FBN3: variants seen among roughly 807,000 people sequenced by gnomAD.
FBN3 encodes fibrillin 3, also known as fibrillin-3.
Under a neutral mutation model 330.1 loss-of-function variants are expected in FBN3, and 234 were observed. That is an observed-to-expected ratio of 0.71 (90% CI 0.64 to 0.79). FBN3 has a LOEUF of 0.79. FBN3 is among the 30% of genes least tolerant of loss of function. FBN3 has a pLI of 0.00. For missense variants in FBN3, 3,606 were observed against 3,886.9 expected (o/e 0.93, Z 1.92); for synonymous variants, 1,458 against 1,517.3 (o/e 0.96, Z 0.91).
rs191932940 is a variant in FBN3 at position 8,135,766 on chromosome 19, G to A, written c.1591+195C>T. Among the ~76,000 whole-genome samples, 169 of 152,296 alleles carry A rather than the reference G, an allele frequency of 1.1e-3. 1 individual carries two copies. Among genetic ancestry groups the A allele is most frequent in the Non-Finnish European group, 1.1e-3 (75 of 68,024 alleles). ...TGATTCACGGAATAAATTCAGGAAG[G>A]AGGAAATGAAGGGGAGAGTCAGGGT... On this transcript the variant is annotated intron_variant, in intron 13 of 63. Coordinates refer to ENST00000600128, the MANE Select transcript of FBN3 (RefSeq NM_032447.5).
rs1217059074 is a variant in FBN3 at position 8,129,247 on chromosome 19, G to A, written c.2163C>T (p.Asp721=). 1.2e-6 allele frequency: 2 copies of A among 1,614,004 alleles called. No individual in the cohort carries two copies. Among genetic ancestry groups the A allele is most frequent in the Non-Finnish European group, 1.7e-6 (2 of 1,180,028 alleles). Residue 721 remains aspartate (D), a synonymous_variant, in exon 17 of 64, where the codon GAC becomes GAT. Transcript: ENST00000600128. The surrounding 1 kb of genome is among the most constrained non-coding windows in gnomAD (Gnocchi z 4.5). ...LGYEAGASGK[D]CTDVDECALN... ...GCCAGGTGGCATGCTCACCTGTGCA[G>A]TCCTTGCCTGAGGCACCTGCCTCAT...
chr19:8,145,897 G>A lies in FBN3; in HGVS notation c.391C>T (p.Arg131Trp), dbSNP rs1210678636. The A allele has an allele frequency of 9.0e-6, 14 of 1,551,056 alleles. No individual in the cohort carries two copies. The African/African-American group carries it at 1.5e-4, about 17-fold the overall frequency. The change falls in exon 5 of 64, where the codon CGG (arginine) becomes TGG (tryptophan). Residue 131 changes from arginine to tryptophan, a missense_variant. Coordinates refer to ENST00000600128, the MANE Select transcript of FBN3 (RefSeq NM_032447.5). ...TTCTGACACAGACAGGACGCCCCCC[G>A]GCAGGTGCCCCCATTCATACAGCTC... is the stretch of plus-strand genomic sequence containing the variant. ...SVSCMNGGTCRGASCLCQKGY... is the reference protein window; with the variant it reads ...SVSCMNGGTCWGASCLCQKGY...
chr19:8,105,933 A>G (rs1371884239), intron 38 of FBN3, among the ~76,000 whole-genome samples, 175 bp downstream of exon 38: 1 of 152,228 alleles, frequency 6.6e-6, no homozygotes, highest in Non-Finnish European at 1.5e-5. Flanking sequence ...CACAGCAGCC[A>G]TGAACATCTT....
Position 8,138,540 on chromosome 19 carries a change from G to C in FBN3, c.890C>G (p.Ser297Ter). 1 of 1,611,570 alleles carries C rather than the reference G, an allele frequency of 6.2e-7. No homozygotes were observed. The highest frequency in any genetic ancestry group is 8.5e-7 in the Non-Finnish European group (1 of 1,179,730). ...AGCACAGCGGCCCCCGAAAAGCACT[G>C]AGAAGCAGGCGCCGGCCCGGTAGTC... ...CEDYRAGACFSVLFGGRCAGD... is the reference protein window; with the variant it reads ...CEDYRAGACF Residue 297 changes from serine to a stop codon, truncating the protein, a stop_gained, in exon 9 of 64, where the codon TCA becomes TGA. Transcript: ENST00000600128. LOFTEE classifies it high-confidence loss of function.
At chr19:8,110,725 C>T (rs983775917) in intron 34 of FBN3, 120 bp downstream of exon 34, 84 of 1,365,812 alleles carry the variant, frequency 6.2e-5, no homozygotes, top group Non-Finnish European at 7.7e-5. Context: ...CCCCACCCCC[C>T]AGCAAGACTG....
chr19:8,142,808 C>T (rs1467903335), intron 6 of FBN3, among the ~76,000 whole-genome samples: 1 of 151,334 alleles, frequency 6.6e-6, no homozygotes, highest in Admixed American at 6.6e-5. Context: ...CCCCCACCCC[C>T]CAGCTGTCCT....
chr19:8,112,200 GC>G, intron 30 of FBN3, 101 bp from the exon 31 acceptor site: 1 of 1,309,382 alleles, frequency 7.6e-7, no homozygotes, highest in South Asian at 1.5e-5. Flanking sequence ...CTAGGGGAGA[GC>G]TGGCCCAGAA....
At chr19:8,077,633 T>G (rs1308582441) in intron 59 of FBN3, among the ~76,000 whole-genome samples, 1 of 150,358 alleles carries the variant, frequency 6.7e-6, no homozygotes, top group East Asian at 2.0e-4. Context: ...AGTGAGACTC[T>G]GTCTCAAAAA....
intron 45 of FBN3, 69 bp from the exon 46 acceptor site, chr19:8,095,572 C>A: frequency 6.5e-7 from 1 of 1,539,412 alleles, no homozygotes; most frequent in Non-Finnish European, 8.9e-7. Flanking sequence ...CCTTGTACTT[C>A]TGTCCACAAC....
chr19:8,108,106 T>A, intron 37 of FBN3, 64 bp downstream of exon 37: 1 of 1,441,194 alleles, frequency 6.9e-7, no homozygotes, highest in South Asian at 1.2e-5. Context: ...TTTGGTGAGG[T>A]GGGGATGAGA....
chr19:8,093,156 G>A (rs1479644041), intron 47 of FBN3, among the ~76,000 whole-genome samples: 1 of 152,106 alleles, frequency 6.6e-6, no homozygotes, highest in East Asian at 1.9e-4. Context: ...ACACCGGACA[G>A]GGTTAACTCA....
intron 56 of FBN3, among the ~76,000 whole-genome samples, chr19:8,083,841 C>T (rs369237237): frequency 3.5e-5 from 5 of 142,718 alleles, no homozygotes; most frequent in African/African-American, 7.9e-5. Context: ...CTCGCTCTGT[C>T]GCCCAGGCTG....
intron 10 of FBN3, 105 bp downstream of exon 10, chr19:8,138,036 C>T (rs1568452760): frequency 6.8e-6 from 9 of 1,315,030 alleles, no homozygotes; most frequent in Non-Finnish European, 5.1e-6. Flanking sequence ...AAAGCCCTAA[C>T]CCTCTCTCTG....
At position 8,123,714 on chromosome 19, in the gene FBN3, T is replaced by C. The variant is rs535956618; in HGVS notation, c.2956+70A>G. 1.5e-4 allele frequency: 241 copies of C among 1,595,462 alleles called. 11 individuals are homozygous for C. Among genetic ancestry groups the C allele is most frequent in the Middle Eastern group, 5.5e-4 (3 of 5,470 alleles). ...CCTTTTCCCCCAAACACACTTCCCA[T>C]CTCCAGGCTTTTGCCTATGCCGTGC... On this transcript the variant is annotated intron_variant, in intron 23 of 63. Coordinates refer to ENST00000600128, the MANE Select transcript of FBN3 (RefSeq NM_032447.5).
rs780744349 is a variant in FBN3, at chr19:8,089,928, G to T, written c.6216C>A (p.His2072Gln). The T allele has an allele frequency of 1.2e-6, 2 of 1,608,076 alleles. No homozygotes were observed. The highest frequency in any genetic ancestry group is 1.7e-4 in the Middle Eastern group (1 of 5,776). ...AGTCATCCGGGCCTGGGACTGCCCC[G>T]TGGCCAAAGGGGCAGAGCTCCTGAA... ...AAFQELCPFG[H>Q]GAVPGPDDSR... The change falls in exon 50 of 64, where the codon CAC becomes CAA. Residue 2072 changes from histidine to glutamine, a missense_variant. By Grantham distance (24) the His-to-Gln change is conservative. Transcript: ENST00000600128.
At chr19:8,119,127 C>A in intron 25 of FBN3, 105 bp from the exon 26 acceptor site, 1 of 1,354,998 alleles carries the variant, frequency 7.4e-7, no homozygotes, top group Non-Finnish European at 9.9e-7. Context: ...CAGCCCCCTT[C>A]ACCCCAGCGG....
rs768739224 is a variant in FBN3 at position 8,083,290 on chromosome 19, A to T, written c.7170T>A (p.Cys2390Ter). Residue 2390 changes from cysteine to a stop codon, truncating the protein, a stop_gained, in exon 57 of 64, where the codon TGT becomes TGA. Coordinates refer to ENST00000600128, the MANE Select transcript of FBN3 (RefSeq NM_032447.5). LOFTEE classifies it high-confidence loss of function. ...TAGCATCCGGTGTGTACCCGGCCTGACAGTGGCAGCGGAAGGAGCCAAGGC... is the reference window on the plus strand; with the variant it reads ...TAGCATCCGGTGTGTACCCGGCCTGTCAGTGGCAGCGGAAGGAGCCAAGGC... ...INSLGSFRCH[C>*]QAGYTPDATA... is the part of the protein sequence containing the mutation. 1.9e-6 allele frequency: 3 copies of T among 1,614,144 alleles called. No individual in the cohort carries two copies. The highest frequency in any genetic ancestry group is 1.7e-6 in the Non-Finnish European group (2 of 1,180,026).
chr19:8,141,523 C>CA (rs2083415365), intron 8 of FBN3, among the ~76,000 whole-genome samples, 194 bp downstream of exon 8: 1 of 152,160 alleles, frequency 6.6e-6, no homozygotes, highest in East Asian at 1.9e-4. Flanking sequence ...TAGCTCCCGA[C>CA]AGTGTTGGTG....
At chr19:8,075,947 C>T (rs1436787792) in intron 59 of FBN3, among the ~76,000 whole-genome samples, 2 of 152,182 alleles carry the variant, frequency 1.3e-5, no homozygotes, top group African/African-American at 4.8e-5. Context: ...TGTTGAAGCC[C>T]TAACCCCCAG....
Sources: gnomAD v4.1 joint callset for allele counts (sites outside exome capture counted in the v4.1 genomes callset) on GRCh38, gnomAD v4.1.1 for gene constraint, Gnocchi (gnomAD v3.1) non-coding constraint, MANE v1.5 for transcripts, NCBI Gene and HGNC (gene_info 2026-07-23, HGNC 2026-07-21) for gene names.